Variants in PHTF2 observed in about 807,000 individuals in gnomAD.
The protein encoded by PHTF2 is protein PHTF2.
A neutral mutation model predicts 101.2 loss-of-function variants in PHTF2; 60 were observed. The observed-to-expected ratio is 0.59, with a 90% CI of 0.48 to 0.73. PHTF2 has a LOEUF of 0.73. Among genes scored for constraint, PHTF2 ranks in the 30% least tolerant of loss-of-function variants. The pLI is 0.00. For missense variants in PHTF2, 747 were observed against 908.7 expected, an observed-to-expected ratio of 0.82 and a Z score of 2.29; for synonymous variants, 311 against 307.3, an observed-to-expected ratio of 1.01 and a Z score of -0.13.
At chr7:77,944,271 G>T (rs1213536554) in intron 16 of PHTF2, among the ~76,000 whole-genome samples, 1 of 152,120 alleles carries the variant, frequency 6.6e-6, no homozygotes, top group African/African-American at 2.4e-5. Context: ...CTTGACCTGT[G>T]TACCTCCCTA....
At chr7:77,831,600 C>T (rs777037792) in intron 1 of PHTF2, among the ~76,000 whole-genome samples, 3 of 152,188 alleles carry the variant, frequency 2.0e-5, no homozygotes, top group Non-Finnish European at 4.4e-5. Flanking sequence ...TTGTGTGATA[C>T]ACTTCTCAGG....
In PHTF2 at chr7:77,940,675, TA is replaced by T. The variant is rs768770246; in HGVS notation, c.1872+20del. 1 of 1,566,418 alleles carries T rather than the reference TA, an allele frequency of 6.4e-7. No individual in the cohort carries two copies. Among genetic ancestry groups the T allele is most frequent in the Non-Finnish European group, 8.7e-7 (1 of 1,149,308 alleles). ...CTATCTTAAGGTAGAATGGGAGTGA[TA>T]AAAGTAGCTTTAACATGCTGGCCCT... On this transcript the variant is annotated intron_variant, in intron 15 of 19. Coordinates refer to ENST00000416283, the Ensembl canonical transcript of PHTF2.
chr7:77,934,848 G>A (rs1193880818), intron 12 of PHTF2, among the ~76,000 whole-genome samples: 2 of 151,884 alleles, frequency 1.3e-5, no homozygotes, highest in African/African-American at 2.4e-5. Context: ...AATCCCAGCT[G>A]CTCAGGAGGC....
At chr7:77,956,988 G>A (rs1418773823) in exon 20 of PHTF2, 1 of 152,168 alleles carries the variant, frequency 6.6e-6, no homozygotes, top group Non-Finnish European at 1.5e-5. Context: ...AAAATGTCAT[G>A]TTAAGCAATT....
chr7:77,862,982 T>C (rs1288024607), intron 3 of PHTF2, among the ~76,000 whole-genome samples: 1 of 152,212 alleles, frequency 6.6e-6, no homozygotes, highest in Non-Finnish European at 1.5e-5. Flanking sequence ...CTTTGCCTAA[T>C]GGACCATAGA....
chr7:77,802,263 T>C (rs904359069), intron 1 of PHTF2, among the ~76,000 whole-genome samples: 1 of 152,158 alleles, frequency 6.6e-6, no homozygotes, highest in African/African-American at 2.4e-5. Flanking sequence ...GCAAAGTGAG[T>C]ACTACCCAAT....
Position 77,819,042 on chromosome 7 carries a change from GATTGT to G in PHTF2, c.-36+20072_-36+20076del, listed in dbSNP as rs930964179. Reference sequence around the variant, plus strand: ...TTTTTTATTTCATTTTCAGCTAGTTGATTGTTTGTGTTTAGAAATGCTACTGATTT... The same window carrying G: ...TTTTTTATTTCATTTTCAGCTAGTTGTTGTGTTTAGAAATGCTACTGATTT... On this transcript the variant is annotated intron_variant, in intron 1 of 19. Transcript: ENST00000416283. Among the ~76,000 whole-genome samples, 4 of 152,012 alleles carry G rather than the reference GATTGT, an allele frequency of 2.6e-5. No individual in the cohort carries two copies. The South Asian group carries it at 6.2e-4, about 24-fold the overall frequency.
chr7:77,937,732 G>T (rs763952934), exon 13 of PHTF2: 2 of 1,414,188 alleles, frequency 1.4e-6, no homozygotes, highest in Admixed American at 2.2e-5. Flanking sequence ...TGGCTCCATA[G>T]TTCCCACCCA....
chr7:77,902,636 A>G (rs538808929), intron 7 of PHTF2, among the ~76,000 whole-genome samples: 66 of 152,198 alleles, frequency 4.3e-4, no homozygotes, highest in Non-Finnish European at 6.2e-4. Context: ...AAACTAAAGA[A>G]GAAACTATTC....
exon 20 of PHTF2, chr7:77,956,489 A>G (rs1806999542): frequency 1.3e-5 from 2 of 152,554 alleles, no homozygotes; most frequent in South Asian, 2.1e-4. Context: ...CTATGTTCAA[A>G]TATGTTTAAT....
At chr7:77,891,932 A>G in intron 3 of PHTF2, among the ~76,000 whole-genome samples, 1 of 152,212 alleles carries the variant, frequency 6.6e-6, no homozygotes, top group East Asian at 1.9e-4. Flanking sequence ...AAGTGGTGAA[A>G]AAGAGAATAG....
chr7:77,927,157 C>CAAAAAAAAA (rs869210694), intron 11 of PHTF2, among the ~76,000 whole-genome samples: 4 of 36,522 alleles, frequency 1.1e-4, no homozygotes, highest in South Asian at 9.6e-4. Context: ...GACTCCATCT[C>CAAAAAAAAA]AAAAAAAAAA....
chr7:77,854,696 A>C (rs1050788202), intron 2 of PHTF2: 1 of 701,718 alleles, frequency 1.4e-6, no homozygotes, highest in Non-Finnish European at 2.6e-6. Flanking sequence ...CACAAGACAA[A>C]GTTTTTTGCA....
rs141602610 is a variant in PHTF2 at position 77,877,953 on chromosome 7, G to A, written c.148-15655G>A. On this transcript the variant is annotated intron_variant, in intron 3 of 19. Coordinates refer to ENST00000416283, the Ensembl canonical transcript of PHTF2. ...CTTTGAATCACTGTTGGGGGAAGGG[G>A]ATGTGCAGGATCAAATAACACAGAT... Among the ~76,000 whole-genome samples the A allele has an allele frequency of 2.7e-3, 411 of 152,274 alleles. 5 individuals are homozygous for A. The highest frequency in any genetic ancestry group is 9.6e-3 in the African/African-American group (400 of 41,544).
chr7:77,907,868 T>C (rs1802012838), intron 7 of PHTF2: 1 of 152,230 alleles, frequency 6.6e-6, no homozygotes, highest in Admixed American at 6.5e-5. Flanking sequence ...TCCTTGGCCC[T>C]GGATTCAGGC....
At chr7:77,870,974 A>G (rs1798467719) in intron 3 of PHTF2, among the ~76,000 whole-genome samples, 1 of 152,362 alleles carries the variant, frequency 6.6e-6, no homozygotes, top group Admixed American at 6.5e-5. Context: ...ATGCACAAAC[A>G]TTTTTAACAA....
rs368537963 is a variant in PHTF2, at chr7:77,867,664, G to C, written c.147+12830G>C. ...TGTGGTTGGACTTTCTATCCAAGGT[G>C]GGGGAAAGGGCGCAGCTAAGGAGTT... On this transcript the variant is annotated intron_variant, in intron 3 of 19. Transcript: ENST00000416283. 2.6e-5 allele frequency among the ~76,000 whole-genome samples: 4 copies of C among 152,286 alleles called. No individual in the cohort carries two copies. The East Asian group carries it at 7.7e-4, about 29-fold the overall frequency.
intron 1 of PHTF2, among the ~76,000 whole-genome samples, chr7:77,824,588 G>A (rs1370902758): frequency 2.0e-5 from 3 of 152,076 alleles, no homozygotes; most frequent in Non-Finnish European, 4.4e-5. Flanking sequence ...ACCATGCCTG[G>A]CTAATTTTTG....
intron 3 of PHTF2, chr7:77,854,894 C>T: frequency 1.4e-6 from 1 of 705,012 alleles, no homozygotes; most frequent in Non-Finnish European, 2.6e-6. Context: ...CTGGCCCATG[C>T]TGGGTCCAGA....
Sources: gnomAD v4.1 joint callset for allele counts (sites outside exome capture counted in the v4.1 genomes callset) on GRCh38, gnomAD v4.1.1 for gene constraint, MANE v1.5 for transcripts, NCBI Gene and HGNC (gene_info 2026-07-23, HGNC 2026-07-21) for gene names.